RABGAP1L: variants seen among roughly 807,000 people sequenced by gnomAD.
RABGAP1L encodes the protein RAB GTPase activating protein 1 like, also known as rab GTPase-activating protein 1-like.
Under a neutral mutation model 137.7 loss-of-function variants are expected in RABGAP1L, and 63 were observed. The ratio of observed to expected loss-of-function variants is 0.46; its 90% CI spans 0.37 to 0.56. The LOEUF (loss-of-function observed/expected upper bound fraction) is 0.56, where lower values mean the gene tolerates loss of function less well. Ranked by LOEUF, RABGAP1L falls within the 20% of genes least tolerant of loss-of-function variation. The pLI is 0.00. For synonymous variants in RABGAP1L, 431 were observed against 433.7 expected, an observed-to-expected ratio of 0.99 and a Z score of 0.08; for missense variants, 1,095 against 1,244.0, an observed-to-expected ratio of 0.88 and a Z score of 1.80.
At chr1:174,234,616 A>C (rs1452384642) in intron 4 of RABGAP1L, among the ~76,000 whole-genome samples, 1 of 151,424 alleles carries the variant, frequency 6.6e-6, no homozygotes, top group Non-Finnish European at 1.5e-5. Context: ...TTTCTGTTCC[A>C]TTGATCTATA....
chr1:174,175,841 T>C (rs1323703419), intron 1 of RABGAP1L, among the ~76,000 whole-genome samples: 1 of 152,118 alleles, frequency 6.6e-6, no homozygotes, highest in Non-Finnish European at 1.5e-5. Flanking sequence ...GCCAGGCTGG[T>C]CTTGAACGCC....
chr1:174,301,078 A>G (rs1298726316), intron 10 of RABGAP1L, among the ~76,000 whole-genome samples: 1 of 151,904 alleles, frequency 6.6e-6, no homozygotes, highest in Non-Finnish European at 1.5e-5. Flanking sequence ...TTTGTCATGG[A>G]TCCCACGGCC....
intron 13 of RABGAP1L, among the ~76,000 whole-genome samples, chr1:174,577,896 ACC>A: frequency 1.3e-5 from 2 of 152,198 alleles, no homozygotes; most frequent in Non-Finnish European, 2.9e-5. Context: ...TGAGAAATTA[ACC>A]ACCCCTCTAG....
chr1:174,819,049 G>A (rs1206155221), intron 19 of RABGAP1L, among the ~76,000 whole-genome samples: 1 of 151,830 alleles, frequency 6.6e-6, no homozygotes, highest in Non-Finnish European at 1.5e-5. Flanking sequence ...TGGGCATGGT[G>A]GCACATGCCG....
At chr1:174,283,354 C>T (rs765349688) in intron 10 of RABGAP1L, among the ~76,000 whole-genome samples, 2 of 151,982 alleles carry the variant, frequency 1.3e-5, no homozygotes, top group East Asian at 1.9e-4. Flanking sequence ...TTCAGTGAGC[C>T]GTGATCATGC....
intron 19 of RABGAP1L, among the ~76,000 whole-genome samples, chr1:174,942,989 T>G (rs1037818681): frequency 6.6e-6 from 1 of 152,216 alleles, no homozygotes; most frequent in Non-Finnish European, 1.5e-5. Context: ...CATAACAGCC[T>G]TGCTTACACA....
At chr1:174,197,387 A>T (rs1667768400) in intron 1 of RABGAP1L, among the ~76,000 whole-genome samples, 1 of 141,088 alleles carries the variant, frequency 7.1e-6, no homozygotes, top group Admixed American at 7.1e-5. Context: ...CCAGACTGAT[A>T]CACTGCCCGA....
intron 24 of RABGAP1L, 130 bp from the exon 25 acceptor site, chr1:174,988,511 A>C (rs1671800695): frequency 1.2e-6 from 1 of 829,180 alleles, no homozygotes; most frequent in East Asian, 3.2e-5. Flanking sequence ...CACAAGAAAA[A>C]TAATTAACCT....
At chr1:174,281,283 ACTGATTGGTCCATTTTACAGAGCG>A (rs1558095914) in intron 10 of RABGAP1L, among the ~76,000 whole-genome samples, 2 of 151,632 alleles carry the variant, frequency 1.3e-5, no homozygotes, top group Non-Finnish European at 2.9e-5. Flanking sequence ...TTTACAGAGC[ACTGATTGGTCCATTTTACAGAGCG>A]CTGATTGGTC....
At chr1:174,539,093 A>G (rs1393897278) in intron 13 of RABGAP1L, among the ~76,000 whole-genome samples, 1 of 152,052 alleles carries the variant, frequency 6.6e-6, no homozygotes, top group Non-Finnish European at 1.5e-5. Flanking sequence ...AAGAGCTCCT[A>G]TTTACAGTAT....
At chr1:174,525,547 CTT>C (rs1663802859) in intron 13 of RABGAP1L, among the ~76,000 whole-genome samples, 2 of 152,100 alleles carry the variant, frequency 1.3e-5, no homozygotes, top group African/African-American at 2.4e-5. Context: ...TTGTTGGACT[CTT>C]TTAGTTTTTC....
chr1:174,534,498 C>T (rs1256850727), intron 13 of RABGAP1L, among the ~76,000 whole-genome samples: 1 of 151,668 alleles, frequency 6.6e-6, no homozygotes, highest in Admixed American at 6.6e-5. Flanking sequence ...TAGAGCAGGC[C>T]AGGCAAGGTG....
intron 1 of RABGAP1L, among the ~76,000 whole-genome samples, chr1:174,161,489 C>T (rs1664453165): frequency 6.6e-6 from 1 of 152,146 alleles, no homozygotes; most frequent in Admixed American, 6.5e-5. Context: ...ATCTGCCCGC[C>T]TCAGCCTCCC....
intron 7 of RABGAP1L, among the ~76,000 whole-genome samples, chr1:174,260,973 T>C (rs548515431): frequency 6.6e-6 from 1 of 152,062 alleles, no homozygotes; most frequent in South Asian, 2.1e-4. Context: ...ACCATATACA[T>C]TTAGAAAATG....
intron 19 of RABGAP1L, among the ~76,000 whole-genome samples, chr1:174,835,263 T>C (rs1399744910): frequency 4.6e-5 from 7 of 152,154 alleles, no homozygotes; most frequent in Admixed American, 1.3e-4. Context: ...TTTAGAAATA[T>C]TAAGTTTGAT....
At chr1:174,972,926 G>A (rs1043323919) in intron 21 of RABGAP1L, among the ~76,000 whole-genome samples, 6 of 151,084 alleles carry the variant, frequency 4.0e-5, no homozygotes, top group Admixed American at 1.3e-4. Context: ...AATTTGAAAG[G>A]CTTTATAATT....
At chr1:174,333,739 C>T (rs1329340877) in intron 11 of RABGAP1L, among the ~76,000 whole-genome samples, 1 of 152,214 alleles carries the variant, frequency 6.6e-6, no homozygotes, top group Non-Finnish European at 1.5e-5. Flanking sequence ...TAGGGTAGGG[C>T]AACCTGTGGA....
intron 13 of RABGAP1L, among the ~76,000 whole-genome samples, chr1:174,568,109 A>G (rs1667703529): frequency 6.6e-6 from 1 of 152,180 alleles, no homozygotes; most frequent in African/African-American, 2.4e-5. Flanking sequence ...GACCCCAGGA[A>G]GCTTTCAGTC....
chr1:174,975,984 G>A, intron 21 of RABGAP1L, 94 bp from the exon 22 acceptor site: 3 of 1,143,062 alleles, frequency 2.6e-6, no homozygotes, highest in Non-Finnish European at 3.8e-6. Flanking sequence ...TTTTGGAACA[G>A]CAACTGAAGA....
Sources: allele counts gnomAD v4.1 joint callset (sites outside exome capture counted in the v4.1 genomes callset), GRCh38; gene constraint gnomAD v4.1.1; transcripts MANE v1.5; gene names NCBI Gene and HGNC (gene_info 2026-07-23, HGNC 2026-07-21).